The following RBMS3 variants were observed in gnomAD, a reference collection of about 807,000 sequenced individuals.
The protein encoded by RBMS3 is RNA binding motif single stranded interacting protein 3.
RBMS3 carries 27 observed loss-of-function variants against 66.8 expected under a neutral mutation model. That is an observed-to-expected ratio of 0.40 (90% CI 0.30 to 0.56). The LOEUF (loss-of-function observed/expected upper bound fraction) is 0.56, where lower values mean the gene tolerates loss of function less well. RBMS3 is among the 20% of genes least tolerant of loss of function. The pLI is 0.40. For missense variants in RBMS3, 513 were observed against 549.5 expected (o/e 0.93, Z 0.66); for synonymous variants, 188 against 183.0 (o/e 1.03, Z -0.22).
chr3:29,952,153 G>A (rs1020631696), intron 12 of RBMS3, among the ~76,000 whole-genome samples: 8 of 151,720 alleles, frequency 5.3e-5, no homozygotes, highest in Non-Finnish European at 1.2e-4. Context: ...GATAGCAGTA[G>A]CAGGGGTAAC....
At chr3:29,778,733 G>A (rs1480323344) in intron 6 of RBMS3, among the ~76,000 whole-genome samples, 1 of 151,764 alleles carries the variant, frequency 6.6e-6, no homozygotes, top group Non-Finnish European at 1.5e-5. Context: ...TTGGTAAAAT[G>A]GGAATAACTA....
chr3:29,347,557 T>C (rs568298174), intron 1 of RBMS3, among the ~76,000 whole-genome samples: 1 of 152,186 alleles, frequency 6.6e-6, no homozygotes, highest in Non-Finnish European at 1.5e-5. Flanking sequence ...GAAAATGGTC[T>C]ATTGGGAAGA....
chr3:29,338,243 T>C lies in RBMS3; in HGVS notation c.75+56487T>C, dbSNP rs771195576. 1.3e-4 allele frequency among the ~76,000 whole-genome samples: 20 copies of C among 152,230 alleles called. 1 individual carries two copies. The highest frequency in any genetic ancestry group is 1.8e-4 in the Non-Finnish European group (12 of 68,038). On this transcript the variant is annotated intron_variant, in intron 1 of 14. Coordinates refer to ENST00000383767, the MANE Select transcript of RBMS3 (RefSeq NM_001003793.3). The stretch of plus-strand genomic sequence containing the variant: ...TATGCCAGTTATAAAGTATCAATTC[T>C]AGCATCTTAAATATCACAAATGAGG...
At chr3:29,471,703 T>C (rs116199310) in intron 2 of RBMS3, among the ~76,000 whole-genome samples, 3,114 of 148,488 alleles carry the variant, frequency 0.021, 122 homozygotes, top group African/African-American at 0.074. Context: ...ATGAATTTTA[T>C]ATCATGAGGA....
chr3:29,749,374 C>T (rs1186578873), intron 5 of RBMS3, among the ~76,000 whole-genome samples: 1 of 152,186 alleles, frequency 6.6e-6, no homozygotes, highest in East Asian at 1.9e-4. Context: ...AATTCTTAGT[C>T]TGATCAATTT....
chr3:29,783,219 A>G (rs2056699655), intron 6 of RBMS3, among the ~76,000 whole-genome samples: 1 of 152,182 alleles, frequency 6.6e-6, no homozygotes, highest in Non-Finnish European at 1.5e-5. Flanking sequence ...ATTAATCACA[A>G]AAAGATCATC....
At chr3:29,882,035 A>G (rs1415824173) in intron 7 of RBMS3, among the ~76,000 whole-genome samples, 1 of 152,150 alleles carries the variant, frequency 6.6e-6, no homozygotes, top group Non-Finnish European at 1.5e-5. Flanking sequence ...TGTAAAGCCC[A>G]CCTGTTTTAT....
chr3:29,590,854 G>T (rs2047709868), intron 4 of RBMS3, among the ~76,000 whole-genome samples: 1 of 152,126 alleles, frequency 6.6e-6, no homozygotes, highest in African/African-American at 2.4e-5. Context: ...AGGCAGCTCT[G>T]CCATCTTTTA....
intron 12 of RBMS3, among the ~76,000 whole-genome samples, chr3:29,987,900 G>A (rs1220717171): frequency 6.6e-6 from 1 of 152,140 alleles, no homozygotes; most frequent in African/African-American, 2.4e-5. Context: ...GACAAAGTGA[G>A]GAAATGGGGG....
At chr3:29,773,376 C>T (rs1228139774) in intron 6 of RBMS3, among the ~76,000 whole-genome samples, 1 of 151,920 alleles carries the variant, frequency 6.6e-6, no homozygotes, top group Admixed American at 6.6e-5. Flanking sequence ...AAATTAAGTG[C>T]ATTTTCAAAA....
intron 1 of RBMS3, among the ~76,000 whole-genome samples, chr3:29,293,725 T>C (rs1359896898): frequency 6.6e-6 from 1 of 151,646 alleles, no homozygotes; most frequent in Non-Finnish European, 1.5e-5. Context: ...TTTTTTTTTC[T>C]TTGTTGTAGC....
intron 3 of RBMS3, among the ~76,000 whole-genome samples, chr3:29,567,279 C>T (rs1436382478): frequency 1.3e-5 from 2 of 152,070 alleles, no homozygotes; most frequent in African/African-American, 4.8e-5. Context: ...AAAGGATGAG[C>T]AGGAAAAGAA....
At chr3:29,307,961 C>T (rs900824827) in intron 1 of RBMS3, among the ~76,000 whole-genome samples, 1 of 151,630 alleles carries the variant, frequency 6.6e-6, no homozygotes, top group Admixed American at 6.6e-5. Flanking sequence ...GGGTAAATTA[C>T]ATAAATCAAG....
chr3:29,438,322 TAGAAAAC>T (rs1333910140), intron 2 of RBMS3, among the ~76,000 whole-genome samples: 41 of 152,214 alleles, frequency 2.7e-4, no homozygotes, highest in African/African-American at 9.9e-4. Context: ...AATAAAATAA[TAGAAAAC>T]AGATACACAA....
At chr3:29,776,693 A>G (rs945207318) in intron 6 of RBMS3, among the ~76,000 whole-genome samples, 4 of 151,928 alleles carry the variant, frequency 2.6e-5, no homozygotes, top group African/African-American at 9.7e-5. Context: ...ATCAACATCC[A>G]CCTTCTAGGC....
rs925100377 is a variant in RBMS3 at position 29,993,337 on chromosome 3, G to C, written c.1307+2128G>C. Among the ~76,000 whole-genome samples, 10 of 150,460 alleles carry C rather than the reference G, an allele frequency of 6.6e-5. No individual in the cohort carries two copies. In the East Asian group the frequency reaches 1.7e-3, roughly 26 times the overall value. On this transcript the variant is annotated intron_variant, in intron 14 of 14. Coordinates refer to ENST00000383767, the MANE Select transcript of RBMS3 (RefSeq NM_001003793.3). ...CAGCCTGGTCAACGGGTTATATGTG[G>C]GGAAAGGAGCAGATATTGGCTATGT...
intron 8 of RBMS3, among the ~76,000 whole-genome samples, chr3:29,894,569 G>A (rs1577086087): frequency 6.6e-6 from 1 of 151,328 alleles, no homozygotes; most frequent in Admixed American, 6.6e-5. Context: ...AAGGCCCCAC[G>A]CTTATGTCCT....
intron 4 of RBMS3, among the ~76,000 whole-genome samples, chr3:29,678,357 G>C (rs2051339847): frequency 6.6e-6 from 1 of 152,012 alleles, no homozygotes; most frequent in Non-Finnish European, 1.5e-5. Flanking sequence ...TATATTATTA[G>C]GGGTTAGGAA....
chr3:29,515,764 A>T (rs2044597332), intron 3 of RBMS3, among the ~76,000 whole-genome samples: 1 of 152,178 alleles, frequency 6.6e-6, no homozygotes, highest in Non-Finnish European at 1.5e-5. Context: ...CCACTTTAGC[A>T]TTACATTTGC....
Sources: gnomAD v4.1 joint callset for allele counts (sites outside exome capture counted in the v4.1 genomes callset) on GRCh38, gnomAD v4.1.1 for gene constraint, MANE v1.5 for transcripts, NCBI Gene and HGNC (gene_info 2026-07-23, HGNC 2026-07-21) for gene names.